Variants in NCAM1 observed in about 807,000 individuals in gnomAD.
The protein encoded by NCAM1 is antigen recognized by monoclonal antibody 5.1H11.
Under a neutral mutation model 109.8 loss-of-function variants are expected in NCAM1, and 14 were observed. That is an observed-to-expected ratio of 0.13 (90% confidence interval 0.08 to 0.20). The LOEUF is 0.20. NCAM1 is among the 10% of genes least tolerant of loss of function. NCAM1 has a pLI of 1.00. For missense variants in NCAM1, 774 were observed against 1,109.9 expected, an observed-to-expected ratio of 0.70 and a Z score of 4.30; for synonymous variants, 418 against 442.9, an observed-to-expected ratio of 0.94 and a Z score of 0.70.
intron 1 of NCAM1, among the ~76,000 whole-genome samples, chr11:113,192,474 C>T (rs1943711477): frequency 6.6e-6 from 1 of 152,060 alleles, no homozygotes; most frequent in South Asian, 2.1e-4. Context: ...AAAAAGTGCC[C>T]CTGGGGTTGG....
intron 17 of NCAM1, among the ~76,000 whole-genome samples, chr11:113,265,766 T>C (rs1309246840): frequency 6.6e-6 from 1 of 152,142 alleles, no homozygotes; most frequent in Non-Finnish European, 1.5e-5. Context: ...GACCATCTTC[T>C]GGGAGTCTTG....
At chr11:112,984,108 A>G (rs956287076) in intron 1 of NCAM1, among the ~76,000 whole-genome samples, 1 of 151,744 alleles carries the variant, frequency 6.6e-6, no homozygotes, top group African/African-American at 2.4e-5. Context: ...GTTTCTATGT[A>G]TTTAGTTTTG....
At chr11:113,058,635 A>C (rs2853191) in intron 1 of NCAM1, among the ~76,000 whole-genome samples, 126,838 of 152,208 alleles carry the variant, frequency 0.83, 53,206 homozygotes, top group African/African-American at 0.93. Context: ...TTCTTTCATT[A>C]TGTCATTGTT....
intron 1 of NCAM1, among the ~76,000 whole-genome samples, chr11:113,194,987 T>C (rs182255752): frequency 2.0e-5 from 3 of 152,356 alleles, no homozygotes; most frequent in African/African-American, 4.8e-5. Context: ...CAGTACTAAG[T>C]ATGACTTCTA....
intron 17 of NCAM1, among the ~76,000 whole-genome samples, chr11:113,260,579 T>C (rs1945962549): frequency 6.6e-6 from 1 of 152,170 alleles, no homozygotes; most frequent in Non-Finnish European, 1.5e-5. Flanking sequence ...CTGATGCCAA[T>C]CAGTCCATTG....
intron 1 of NCAM1, among the ~76,000 whole-genome samples, chr11:112,991,491 A>G (rs1555070575): frequency 1.4e-5 from 2 of 142,742 alleles, no homozygotes; most frequent in East Asian, 4.7e-4. Context: ...AATTTTCTCT[A>G]GTGCATGGCC....
At chr11:113,084,855 C>A (rs142869189) in intron 1 of NCAM1, among the ~76,000 whole-genome samples, 6 of 152,304 alleles carry the variant, frequency 3.9e-5, no homozygotes, top group African/African-American at 1.4e-4. Context: ...CCAGTAGTGT[C>A]CTTGTGAGAA....
chr11:113,259,048 T>C (rs1354522043), intron 16 of NCAM1, among the ~76,000 whole-genome samples: 1 of 149,672 alleles, frequency 6.7e-6, no homozygotes, highest in African/African-American at 2.4e-5. Context: ...AAAATAGTTT[T>C]CATTTTTTTT....
chr11:112,964,140 G>GTTTTTTTTTTTTTTT (rs1254307069), intron 1 of NCAM1, among the ~76,000 whole-genome samples: 260 of 72,756 alleles, frequency 3.6e-3, no homozygotes, highest in Non-Finnish European at 4.5e-3. Flanking sequence ...TTTTTTTTTT[G>GTTTTTTTTTTTTTTT]TTTTTTTTTT....
chr11:113,132,182 C>G (rs1244448518), intron 1 of NCAM1, among the ~76,000 whole-genome samples: 1 of 152,190 alleles, frequency 6.6e-6, no homozygotes, highest in Non-Finnish European at 1.5e-5. Context: ...TCGCCCCTTG[C>G]TCTTGGCCAG....
chr11:113,096,619 G>T (rs868966399), intron 1 of NCAM1, among the ~76,000 whole-genome samples: 2 of 152,050 alleles, frequency 1.3e-5, no homozygotes, highest in African/African-American at 2.4e-5. Context: ...GTGGCTATTG[G>T]ACAAGATCAG....
intron 1 of NCAM1, among the ~76,000 whole-genome samples, chr11:113,154,164 A>G (rs761513915): frequency 7.9e-5 from 12 of 152,266 alleles, no homozygotes; most frequent in Non-Finnish European, 1.2e-4. Context: ...AGCCAAAGTT[A>G]TAACCTTAAT....
At chr11:113,174,329 C>T (rs540785081) in intron 1 of NCAM1, among the ~76,000 whole-genome samples, 8 of 152,282 alleles carry the variant, frequency 5.3e-5, no homozygotes, top group South Asian at 2.1e-4. Flanking sequence ...TCCATTTCCC[C>T]GACAAACACC....
rs185277117 is a variant in NCAM1, at chr11:113,233,994, G to A, written c.1693+677G>A. Among the ~76,000 whole-genome samples, 84 of 152,208 alleles carry A rather than the reference G, an allele frequency of 5.5e-4. No homozygotes were observed. The highest frequency in any genetic ancestry group is 1.9e-3 in the African/African-American group (78 of 41,524). On this transcript the variant is annotated intron_variant, in intron 13 of 19. Transcript: ENST00000316851. This position sits in a 1 kb window ranked among gnomAD's most constrained non-coding sequence, Gnocchi z 4.5. ...ATCCTGGTCTCGTATGTGGTAATTC[G>A]AGTGGAATTGGAAGTAGGCTGGGAT...
intron 1 of NCAM1, among the ~76,000 whole-genome samples, chr11:113,171,987 C>T (rs560207767): frequency 3.3e-5 from 5 of 152,254 alleles, no homozygotes; most frequent in South Asian, 4.1e-4. Context: ...TATGCTACCA[C>T]GAGTTAAGGA....
At chr11:113,024,602 A>T (rs1348250569) in intron 1 of NCAM1, among the ~76,000 whole-genome samples, 12 of 152,174 alleles carry the variant, frequency 7.9e-5, no homozygotes, top group African/African-American at 2.9e-4. Flanking sequence ...TTGCAAAAGT[A>T]ACATAAGAAT....
chr11:113,102,813 A>G (rs1939934531), intron 1 of NCAM1, among the ~76,000 whole-genome samples: 1 of 152,336 alleles, frequency 6.6e-6, no homozygotes, highest in Non-Finnish European at 1.5e-5. Context: ...TTTTTGGAGA[A>G]ACATCTTTAA....
At chr11:113,118,967 A>G (rs1274863349) in intron 1 of NCAM1, among the ~76,000 whole-genome samples, 2 of 152,044 alleles carry the variant, frequency 1.3e-5, no homozygotes, top group Non-Finnish European at 2.9e-5. Context: ...TTGGAAAGAA[A>G]TAAGAAATAT....
At chr11:113,190,653 G>A (rs886274570) in intron 1 of NCAM1, among the ~76,000 whole-genome samples, 4 of 152,190 alleles carry the variant, frequency 2.6e-5, no homozygotes, top group Admixed American at 2.0e-4. Context: ...TCAAGAAAGC[G>A]AAACAACGAT....
Sources: gnomAD v4.1 joint callset for allele counts (sites outside exome capture counted in the v4.1 genomes callset) on GRCh38, gnomAD v4.1.1 for gene constraint, Gnocchi (gnomAD v3.1) non-coding constraint, MANE v1.5 for transcripts, NCBI Gene and HGNC (gene_info 2026-07-23, HGNC 2026-07-21) for gene names.